The following AP3B1 variants were observed in gnomAD, a reference collection of about 807,000 sequenced individuals.
AP3B1 encodes AP-3 complex subunit beta-1.
In AP3B1, 61 loss-of-function variants were observed where a neutral mutation model predicts 132.5. The ratio of observed to expected loss-of-function variants is 0.46; its 90% CI spans 0.37 to 0.57. AP3B1 has a LOEUF of 0.57. Among genes scored for constraint, AP3B1 ranks in the 20% least tolerant of loss-of-function variants. AP3B1 has a pLI of 0.00. For missense variants in AP3B1, 1,120 were observed against 1,289.4 expected (o/e 0.87, Z 2.01); for synonymous variants, 388 against 438.3 (o/e 0.89, Z 1.43).
chr5:78,286,473 C>T (rs914473166), intron 1 of AP3B1, among the ~76,000 whole-genome samples: 2 of 152,176 alleles, frequency 1.3e-5, no homozygotes, highest in Non-Finnish European at 2.9e-5. Flanking sequence ...CATTACTCCC[C>T]TCCAGAGGAT....
intron 2 of AP3B1, among the ~76,000 whole-genome samples, chr5:78,252,323 C>T (rs558591616): frequency 6.6e-6 from 1 of 152,178 alleles, no homozygotes; most frequent in African/African-American, 2.4e-5. Flanking sequence ...AAAAGGGGCT[C>T]TGCCTTGCCC....
At chr5:78,079,466 A>C (rs1749900166) in intron 22 of AP3B1, among the ~76,000 whole-genome samples, 1 of 152,224 alleles carries the variant, frequency 6.6e-6, no homozygotes, top group East Asian at 1.9e-4. Context: ...TTTACAGGAC[A>C]TATAAATGCA....
intron 22 of AP3B1, among the ~76,000 whole-genome samples, chr5:78,081,426 G>C (rs922196169): frequency 1.8e-4 from 27 of 148,698 alleles, no homozygotes; most frequent in Middle Eastern, 3.6e-3. Context: ...TCCTGCCTCA[G>C]CCTCCCGAGT....
chr5:78,144,262 T>G (rs1040387226), intron 14 of AP3B1, among the ~76,000 whole-genome samples: 12 of 152,190 alleles, frequency 7.9e-5, no homozygotes, highest in African/African-American at 2.9e-4. Context: ...AGAAAGTGAT[T>G]AAATGCACTT....
chr5:78,227,766 T>A (rs1426251020), intron 4 of AP3B1, among the ~76,000 whole-genome samples: 1 of 152,190 alleles, frequency 6.6e-6, no homozygotes, highest in Non-Finnish European at 1.5e-5. Context: ...TAGTTGGTCA[T>A]TTATTACTAA....
At chr5:78,134,139 A>G (rs1442084584) in intron 15 of AP3B1, among the ~76,000 whole-genome samples, 26 of 125,688 alleles carry the variant, frequency 2.1e-4, no homozygotes, top group African/African-American at 7.4e-4. Context: ...CGACACAGCA[A>G]GACTCGCCTC....
At chr5:78,146,290 C>A (rs1001816857) in intron 14 of AP3B1, among the ~76,000 whole-genome samples, 1 of 152,162 alleles carries the variant, frequency 6.6e-6, no homozygotes, top group African/African-American at 2.4e-5. Context: ...TCACCTTCTC[C>A]TGGGGTAACT....
intron 3 of AP3B1, among the ~76,000 whole-genome samples, chr5:78,238,593 A>G (rs1746982327): frequency 6.6e-6 from 1 of 152,138 alleles, no homozygotes; most frequent in Non-Finnish European, 1.5e-5. Flanking sequence ...CTATCACACA[A>G]TGGTAAGTAT....
At chr5:78,121,409 G>A (rs1452225538) in intron 17 of AP3B1, among the ~76,000 whole-genome samples, 1 of 152,184 alleles carries the variant, frequency 6.6e-6, no homozygotes, top group Non-Finnish European at 1.5e-5. Flanking sequence ...TCCAGGAGCT[G>A]CTTTTTTGAA....
chr5:78,292,112 T>C lies in AP3B1; in HGVS notation c.128+2340A>G, dbSNP rs4639204. ...TCATTGTTGCAACTTTTTTGTAAAC[T>C]TGAAACTATTTCATCAGAGTAAACC... is the stretch of plus-strand genomic sequence containing the variant. On this transcript the variant is annotated intron_variant, in intron 1 of 26. Coordinates refer to ENST00000255194, the MANE Select transcript of AP3B1 (RefSeq NM_003664.5). Among the ~76,000 whole-genome samples, 986 of 152,288 alleles carry C rather than the reference T, an allele frequency of 6.5e-3. 7 individuals are homozygous for C. The highest frequency in any genetic ancestry group is 0.022 in the African/African-American group (927 of 41,554).
intron 13 of AP3B1, among the ~76,000 whole-genome samples, chr5:78,158,029 G>A (rs1490214835): frequency 2.0e-5 from 3 of 152,184 alleles, no homozygotes; most frequent in African/African-American, 4.8e-5. Context: ...GATTACCGGT[G>A]TGAGCCACCA....
intron 7 of AP3B1, among the ~76,000 whole-genome samples, chr5:78,208,657 TTA>T (rs955894233): frequency 1.3e-5 from 2 of 152,108 alleles, no homozygotes; most frequent in African/African-American, 4.8e-5. Flanking sequence ...CAGGATCCTG[TTA>T]TTTAAATAAG....
intron 7 of AP3B1, among the ~76,000 whole-genome samples, chr5:78,204,750 A>G (rs1460974277): frequency 6.6e-6 from 1 of 152,206 alleles, no homozygotes; most frequent in African/African-American, 2.4e-5. Flanking sequence ...TGCGAACAGA[A>G]TCTACTCTGT....
At chr5:78,232,428 A>C (rs1466033275) in intron 3 of AP3B1, among the ~76,000 whole-genome samples, 1 of 152,174 alleles carries the variant, frequency 6.6e-6, no homozygotes, top group Non-Finnish European at 1.5e-5. Flanking sequence ...CCAATCAATC[A>C]AGAGCAGTCT....
In AP3B1 at chr5:78,026,130, A is replaced by G. The variant is rs1430163509; in HGVS notation, c.2895-5341T>C. On this transcript the variant is annotated intron_variant, in intron 24 of 26. Coordinates refer to ENST00000255194, the MANE Select transcript of AP3B1 (RefSeq NM_003664.5). ...AACAGGGGAGAGACAGATTATCTCC[A>G]TTTCTACACATAACTGCCTCAACTT... Among the ~76,000 whole-genome samples, 3 of 152,078 alleles carry G rather than the reference A, an allele frequency of 2.0e-5. No individual in the cohort carries two copies. The South Asian group carries it at 6.2e-4, about 32-fold the overall frequency.
At chr5:78,028,011 A>G (rs1309295382) in intron 24 of AP3B1, among the ~76,000 whole-genome samples, 1 of 152,122 alleles carries the variant, frequency 6.6e-6, no homozygotes, top group Non-Finnish European at 1.5e-5. Flanking sequence ...CTGTAATCCA[A>G]GCTACTTGGG....
chr5:78,128,743 A>G (rs1157173465), intron 16 of AP3B1, among the ~76,000 whole-genome samples: 1 of 152,098 alleles, frequency 6.6e-6, no homozygotes, highest in Non-Finnish European at 1.5e-5. Flanking sequence ...AGAAAAACTG[A>G]TATTAGTGTA....
At chr5:78,115,843 T>C (rs1178848747) in intron 18 of AP3B1, among the ~76,000 whole-genome samples, 1 of 152,200 alleles carries the variant, frequency 6.6e-6, no homozygotes, top group East Asian at 1.9e-4. Flanking sequence ...TCAATAGATA[T>C]ATTAGGCATT....
At chr5:78,211,902 T>C (rs1282166954) in intron 7 of AP3B1, among the ~76,000 whole-genome samples, 2 of 152,248 alleles carry the variant, frequency 1.3e-5, no homozygotes, top group East Asian at 3.8e-4. Flanking sequence ...TTAAGTGACT[T>C]GCTAAAATCT....
Sources: gnomAD v4.1 joint callset for allele counts (sites outside exome capture counted in the v4.1 genomes callset) on GRCh38, gnomAD v4.1.1 for gene constraint, MANE v1.5 for transcripts, NCBI Gene and HGNC (gene_info 2026-07-23, HGNC 2026-07-21) for gene names.